FCHSD2: variants seen among roughly 807,000 people sequenced by gnomAD.
FCHSD2 encodes the protein FCH and double SH3 domains 2.
A neutral mutation model predicts 108.1 loss-of-function variants in FCHSD2; 38 were observed. The ratio of observed to expected loss-of-function variants is 0.35; its 90% confidence interval spans 0.27 to 0.46. FCHSD2 has a LOEUF of 0.46. Among genes scored for constraint, FCHSD2 ranks in the 20% least tolerant of loss-of-function variants. The pLI is 1.00. For missense variants in FCHSD2, 751 were observed against 897.8 expected (o/e 0.84, Z 2.09); for synonymous variants, 279 against 314.7 (o/e 0.89, Z 1.20).
intron 2 of FCHSD2, among the ~76,000 whole-genome samples, chr11:73,095,225 AACCT>A (rs1278140300): frequency 6.6e-6 from 1 of 152,190 alleles, no homozygotes; most frequent in Non-Finnish European, 1.5e-5. Context: ...ATAAAAAGAA[AACCT>A]ACCTCATAGG....
At position 72,897,958 on chromosome 11, in the gene FCHSD2, T is replaced by C. The variant is rs911414276; in HGVS notation, c.924+4585A>G. On this transcript the variant is annotated intron_variant, in intron 10 of 19. Transcript: ENST00000409418. ...ATCTGAGAAATGATAATTGAAGATATAAAGAAAGAACACTTTAGAAATCAG... is the reference window on the plus strand; with the variant it reads ...ATCTGAGAAATGATAATTGAAGATACAAAGAAAGAACACTTTAGAAATCAG... 3.3e-5 allele frequency among the ~76,000 whole-genome samples: 5 copies of C among 152,332 alleles called. No individual in the cohort carries two copies. The East Asian group carries it at 9.6e-4, about 29-fold the overall frequency.
intron 10 of FCHSD2, among the ~76,000 whole-genome samples, chr11:72,890,421 CT>C (rs1171744104): frequency 6.6e-6 from 1 of 152,192 alleles, no homozygotes; most frequent in East Asian, 1.9e-4. Context: ...ACCCCTCCCC[CT>C]GCCCCAAGGC....
Position 72,923,635 on chromosome 11 carries a change from A to C in FCHSD2, c.706-1685T>G, listed in dbSNP as rs193128718. Among the ~76,000 whole-genome samples the C allele has an allele frequency of 1.2e-3, 179 of 152,210 alleles. 1 individual carries two copies. Among genetic ancestry groups the C allele is most frequent in the African/African-American group, 4.1e-3 (172 of 41,546 alleles). ...TGGTGAAAAGCCTACTCAAGTCCTT[A>C]ACTCATTTTTAAATTAGGTTGTCAG... On this transcript the variant is annotated intron_variant, in intron 8 of 19. Coordinates refer to ENST00000409418, the MANE Select transcript of FCHSD2 (RefSeq NM_014824.3).
intron 13 of FCHSD2, among the ~76,000 whole-genome samples, chr11:72,851,426 G>A (rs941470357): frequency 4.6e-5 from 7 of 152,058 alleles, no homozygotes; most frequent in African/African-American, 1.4e-4. Context: ...CCATATTATA[G>A]ATTAATAACA....
intron 4 of FCHSD2, among the ~76,000 whole-genome samples, chr11:73,005,247 T>G (rs1036264123): frequency 1.3e-5 from 2 of 152,222 alleles, no homozygotes; most frequent in African/African-American, 4.8e-5. Context: ...AAGAATTGTC[T>G]AAAATTACTG....
intron 2 of FCHSD2, among the ~76,000 whole-genome samples, chr11:73,089,754 T>C (rs752568498): frequency 6.6e-6 from 1 of 152,120 alleles, no homozygotes; most frequent in African/African-American, 2.4e-5. Flanking sequence ...AGACAAAAAG[T>C]AAATTAGTGG....
chr11:73,003,537 A>G (rs1356198055), intron 4 of FCHSD2, among the ~76,000 whole-genome samples: 2 of 144,536 alleles, frequency 1.4e-5, no homozygotes, highest in Admixed American at 6.9e-5. Flanking sequence ...CCCAGGCTGG[A>G]GTGCAGTGGC....
chr11:72,990,878 T>A (rs886387746), intron 5 of FCHSD2, among the ~76,000 whole-genome samples: 4 of 151,686 alleles, frequency 2.6e-5, no homozygotes, highest in African/African-American at 7.3e-5. Flanking sequence ...CTGAACGAAA[T>A]AGAGACACAA....
intron 3 of FCHSD2, among the ~76,000 whole-genome samples, chr11:73,073,588 A>G (rs146655632): frequency 6.6e-6 from 1 of 152,286 alleles, no homozygotes; most frequent in Non-Finnish European, 1.5e-5. Flanking sequence ...TTCTTTTAGG[A>G]TGGCTCACCT....
At chr11:72,940,413 T>C in intron 8 of FCHSD2, 1 of 538,876 alleles carries the variant, frequency 1.9e-6, no homozygotes. Context: ...ATAATATATG[T>C]AATGAGGTTA....
At chr11:73,040,196 C>T (rs1265655639) in intron 3 of FCHSD2, among the ~76,000 whole-genome samples, 1 of 152,184 alleles carries the variant, frequency 6.6e-6, no homozygotes, top group African/African-American at 2.4e-5. Flanking sequence ...AGCCCAAACC[C>T]ACCCACAATG....
rs117008121 is a variant in FCHSD2, at chr11:73,093,333, G to A, written c.120-9593C>T. Among the ~76,000 whole-genome samples, 116 of 152,262 alleles carry A rather than the reference G, an allele frequency of 7.6e-4. 2 individuals are homozygous for A. In the East Asian group the frequency reaches 0.02, roughly 26 times the overall value. Reference sequence around the variant, plus strand: ...AGTAAACTTTCAGTGAGCTCTGAGAGTCCTGGCAAATTATTGAATCTAAGG... The same window carrying A: ...AGTAAACTTTCAGTGAGCTCTGAGAATCCTGGCAAATTATTGAATCTAAGG... On this transcript the variant is annotated intron_variant, in intron 2 of 19. Transcript: ENST00000409418.
intron 13 of FCHSD2, among the ~76,000 whole-genome samples, chr11:72,866,471 T>C (rs533424594): frequency 3.2e-4 from 48 of 152,262 alleles, no homozygotes; most frequent in Non-Finnish European, 5.1e-4. Flanking sequence ...CGTTTCACCA[T>C]GTTGGCCAGG....
At chr11:73,056,782 A>G (rs1486929434) in intron 3 of FCHSD2, among the ~76,000 whole-genome samples, 2 of 152,142 alleles carry the variant, frequency 1.3e-5, no homozygotes, top group Admixed American at 6.5e-5. Context: ...ATGAGGGAAT[A>G]AAATCCATAG....
intron 8 of FCHSD2, among the ~76,000 whole-genome samples, chr11:72,954,308 A>T (rs911538468): frequency 2.0e-5 from 3 of 147,406 alleles, no homozygotes; most frequent in African/African-American, 7.6e-5. Flanking sequence ...ACCTGGGCTC[A>T]TGCAATTCTC....
chr11:73,036,107 A>T (rs148622322), intron 3 of FCHSD2, among the ~76,000 whole-genome samples: 19 of 152,328 alleles, frequency 1.2e-4, no homozygotes, highest in African/African-American at 4.1e-4. Flanking sequence ...GGCTAAGAGT[A>T]GACTGGCTTG....
intron 2 of FCHSD2, among the ~76,000 whole-genome samples, chr11:73,116,158 G>T (rs1460790368): frequency 6.6e-6 from 1 of 152,134 alleles, no homozygotes; most frequent in Non-Finnish European, 1.5e-5. Context: ...AATCTTTACT[G>T]AGATGATCTT....
intron 2 of FCHSD2, 94 bp downstream of exon 2, chr11:73,139,937 A>T: frequency 3.0e-6 from 2 of 656,344 alleles, no homozygotes; most frequent in Non-Finnish European, 5.0e-6. Flanking sequence ...GAAATCCAAA[A>T]GGAAATTCCA....
intron 12 of FCHSD2, among the ~76,000 whole-genome samples, chr11:72,877,391 T>C (rs903733393): frequency 5.9e-5 from 9 of 152,196 alleles, no homozygotes; most frequent in African/African-American, 2.2e-4. Context: ...CAGGGCTATA[T>C]AATGGAAATA....
Sources: allele counts gnomAD v4.1 joint callset (sites outside exome capture counted in the v4.1 genomes callset), GRCh38; gene constraint gnomAD v4.1.1; transcripts MANE v1.5; gene names NCBI Gene and HGNC (gene_info 2026-07-23, HGNC 2026-07-21).